Variants in SLC2A9 observed in about 807,000 individuals in gnomAD.
SLC2A9 encodes the protein solute carrier family 2 member 9.
In SLC2A9, 39 loss-of-function variants were observed where a neutral mutation model predicts 50.6. The ratio of observed to expected loss-of-function variants is 0.77; its 90% CI spans 0.60 to 1.01. The LOEUF (loss-of-function observed/expected upper bound fraction) is 1.01, where lower values mean the gene tolerates loss of function less well. Among genes scored for constraint, SLC2A9 ranks in the 50% least tolerant of loss-of-function variants. The pLI, the probability that SLC2A9 is intolerant of heterozygous loss-of-function variation, is 0.00. For synonymous variants in SLC2A9, 324 were observed against 276.9 expected (o/e 1.17, Z -1.69); for missense variants, 686 against 677.6 (o/e 1.01, Z -0.14).
intron 3 of SLC2A9, among the ~76,000 whole-genome samples, chr4:9,811,563 C>T (rs1722896883): frequency 6.6e-6 from 1 of 152,164 alleles, no homozygotes. Flanking sequence ...AGTCCCCTGA[C>T]ATGTGAATAA....
At chr4:9,897,233 G>T (rs773395019) in intron 8 of SLC2A9, among the ~76,000 whole-genome samples, 1 of 152,154 alleles carries the variant, frequency 6.6e-6, no homozygotes, top group Non-Finnish European at 1.5e-5. Context: ...AAAAGAATAT[G>T]CACATGCTCC....
intron 10 of SLC2A9, among the ~76,000 whole-genome samples, chr4:9,839,535 T>C (rs1208629059): frequency 2.6e-5 from 4 of 152,102 alleles, no homozygotes; most frequent in South Asian, 2.1e-4. Flanking sequence ...TGTATGTTCA[T>C]TGCAGCATTA....
In SLC2A9 at chr4:9,782,078, C is replaced by G. The variant is rs776905009; in HGVS notation, n.386-2013G>C. On this transcript the variant is annotated intron_variant and non_coding_transcript_variant, in intron 3 of 3. Coordinates refer to the SLC2A9 transcript ENST00000503803. ...CACCGCGTACCCGGGGCAGTTCGCT[C>G]TATACCAGCAGCTGGCGCAGGGGAA... 2.0e-6 allele frequency: 3 copies of G among 1,516,900 alleles called. No homozygotes were observed. The African/African-American group carries it at 4.2e-5, about 21-fold the overall frequency. The allele number at this position is 1,516,900 out of a possible 1,614,324, so 94.0% of individuals were successfully genotyped here. A position where few individuals can be genotyped will look rare whatever the true frequency, so the allele number is the denominator to read the frequency against.
intron 5 of SLC2A9, among the ~76,000 whole-genome samples, chr4:9,973,746 G>A (rs1473107333): frequency 6.7e-6 from 1 of 150,198 alleles, no homozygotes; most frequent in Non-Finnish European, 1.5e-5. Context: ...AGCATTAGGA[G>A]GTATACTTAA....
At chr4:9,814,136 T>G (rs1723245537) in intron 3 of SLC2A9, among the ~76,000 whole-genome samples, 1 of 151,974 alleles carries the variant, frequency 6.6e-6, no homozygotes, top group African/African-American at 2.4e-5. Context: ...TGAGACTCCA[T>G]CGCAAAAATG....
chr4:9,929,157 T>C (rs1745431516), intron 6 of SLC2A9, among the ~76,000 whole-genome samples: 1 of 152,236 alleles, frequency 6.6e-6, no homozygotes. Context: ...GTGCCCTTAT[T>C]CATTTAATTC....
At chr4:10,016,429 C>A (rs539710813) in intron 2 of SLC2A9, among the ~76,000 whole-genome samples, 1 of 152,236 alleles carries the variant, frequency 6.6e-6, no homozygotes, top group East Asian at 1.9e-4. Context: ...AGCTGATTAA[C>A]GCATGAAAAG....
chr4:9,919,819 G>C (rs1304444108), intron 7 of SLC2A9, among the ~76,000 whole-genome samples: 2 of 152,192 alleles, frequency 1.3e-5, no homozygotes, highest in African/African-American at 2.4e-5. Flanking sequence ...GCCTCCCTAA[G>C]TCTCCAACTG....
chr4:9,774,359 C>A (rs894325135), intron 1 of SLC2A9, among the ~76,000 whole-genome samples: 1 of 152,194 alleles, frequency 6.6e-6, no homozygotes, highest in African/African-American at 2.4e-5. Flanking sequence ...AAAATGTATC[C>A]TTTCACACGT....
chr4:9,895,554 T>C (rs984847131), intron 8 of SLC2A9, among the ~76,000 whole-genome samples: 1 of 152,224 alleles, frequency 6.6e-6, no homozygotes, highest in Admixed American at 6.5e-5. Context: ...CTCTGGGGAC[T>C]CTGGAGCCAT....
At chr4:9,891,169 G>A (rs1460363408) in intron 8 of SLC2A9, among the ~76,000 whole-genome samples, 2 of 152,188 alleles carry the variant, frequency 1.3e-5, no homozygotes, top group African/African-American at 4.8e-5. Context: ...TTTCCAGTCT[G>A]CCTGTGTCTG....
chr4:9,972,311 C>T (rs1754030688), intron 5 of SLC2A9, among the ~76,000 whole-genome samples: 1 of 152,086 alleles, frequency 6.6e-6, no homozygotes, highest in South Asian at 2.1e-4. Context: ...ATACTTTTGC[C>T]TATAATTTTC....
At chr4:9,921,101 C>A (rs1053904687) in intron 6 of SLC2A9, among the ~76,000 whole-genome samples, 5 of 152,118 alleles carry the variant, frequency 3.3e-5, no homozygotes, top group Non-Finnish European at 5.9e-5. Context: ...GCCAGGATGC[C>A]CTGCAGTCCA....
intron 10 of SLC2A9, among the ~76,000 whole-genome samples, chr4:9,848,446 T>C (rs1729336964): frequency 6.6e-6 from 1 of 152,088 alleles, no homozygotes; most frequent in African/African-American, 2.4e-5. Context: ...GGCAGGTCCC[T>C]CCACCACTAC....
intron 3 of SLC2A9, among the ~76,000 whole-genome samples, chr4:9,805,273 T>C (rs1032628113): frequency 3.9e-5 from 6 of 152,340 alleles, no homozygotes; most frequent in East Asian, 3.9e-4. Flanking sequence ...GCTGATTTCA[T>C]AGCAGAAGGA....
At chr4:9,928,504 G>A (rs946117875) in intron 6 of SLC2A9, among the ~76,000 whole-genome samples, 4 of 152,228 alleles carry the variant, frequency 2.6e-5, no homozygotes, top group Non-Finnish European at 4.4e-5. Context: ...GGCCAAGGCA[G>A]GCAGATCACC....
chr4:9,789,631 A>G (rs1002446135), intron 3 of SLC2A9, among the ~76,000 whole-genome samples: 5 of 152,264 alleles, frequency 3.3e-5, no homozygotes, highest in Non-Finnish European at 5.9e-5. Flanking sequence ...GCCCATGTGG[A>G]AACCCCTGGG....
At chr4:9,877,224 G>A (rs1734450194) in intron 10 of SLC2A9, among the ~76,000 whole-genome samples, 1 of 152,180 alleles carries the variant, frequency 6.6e-6, no homozygotes, top group African/African-American at 2.4e-5. Flanking sequence ...TCTATTATTT[G>A]TTCATTCACT....
At chr4:9,813,728 A>G (rs1723178335) in intron 3 of SLC2A9, among the ~76,000 whole-genome samples, 1 of 152,186 alleles carries the variant, frequency 6.6e-6, no homozygotes, top group Admixed American at 6.5e-5. Flanking sequence ...ATGGAAGTCA[A>G]AAGGAAAGAA....
Sources: gnomAD v4.1 joint callset for allele counts (sites outside exome capture counted in the v4.1 genomes callset) on GRCh38, gnomAD v4.1.1 for gene constraint, MANE v1.5 for transcripts, NCBI Gene and HGNC (gene_info 2026-07-23, HGNC 2026-07-21) for gene names.